The following LRBA variants were observed in gnomAD, a reference collection of about 807,000 sequenced individuals.
LRBA encodes LPS responsive beige-like anchor protein.
Under a neutral mutation model 330.0 loss-of-function variants are expected in LRBA, and 176 were observed. That is an observed-to-expected ratio of 0.53 (90% CI 0.47 to 0.60). The LOEUF is 0.60. Ranked by LOEUF, LRBA falls within the 20% of genes least tolerant of loss-of-function variation. LRBA has a pLI of 0.00. For synonymous variants in LRBA, 1,230 were observed against 1,193.0 expected (o/e 1.03, Z -0.64); for missense variants, 3,259 against 3,444.8 (o/e 0.95, Z 1.35).
intron 37 of LRBA, 142 bp downstream of exon 37, chr4:150,683,409 G>A: frequency 1.5e-6 from 1 of 675,270 alleles, no homozygotes; most frequent in Non-Finnish European, 2.6e-6. Flanking sequence ...CCTTCCCTTT[G>A]GCTTTAAATT....
At chr4:150,885,672 C>T (rs1728873822) in intron 17 of LRBA, among the ~76,000 whole-genome samples, 1 of 151,684 alleles carries the variant, frequency 6.6e-6, no homozygotes, top group African/African-American at 2.4e-5. Context: ...TTGCTGAAAT[C>T]CAAAGACAAT....
intron 28 of LRBA, among the ~76,000 whole-genome samples, chr4:150,838,608 C>G (rs1748547642): frequency 6.6e-6 from 1 of 152,194 alleles, no homozygotes; most frequent in Non-Finnish European, 1.5e-5. Context: ...GTGCATTTGT[C>G]ACGTAGTACT....
intron 40 of LRBA, among the ~76,000 whole-genome samples, chr4:150,494,651 C>T (rs538994233): frequency 6.6e-6 from 1 of 152,252 alleles, no homozygotes; most frequent in Admixed American, 6.5e-5. Flanking sequence ...CTACTTGAAA[C>T]ACTGCAAGTG....
In LRBA at chr4:150,720,962, TAAGTCAAGC is replaced by T. The variant is rs547676324; in HGVS notation, c.5754+14287_5754+14295del. On this transcript the variant is annotated intron_variant, in intron 36 of 56. Coordinates refer to ENST00000651943, the MANE Select transcript of LRBA (RefSeq NM_001364905.1). ...GAATTTAAGTGTTACCCAACAATAT[TAAGTCAAGC>T]AAGGCAGTCATGGCACAGAAAGAGG... 1.8e-3 allele frequency: 829 copies of T among 466,428 alleles called. 4 individuals carry two copies. The highest frequency in any genetic ancestry group is 0.016 in the African/African-American group (782 of 50,332). 28.9% of individuals were successfully genotyped at this position (466,428 alleles called of 1,614,324 possible). A position where few individuals can be genotyped will look rare whatever the true frequency, so the allele number is the denominator to read the frequency against.
intron 18 of LRBA, 81 bp downstream of exon 18, chr4:150,872,582 T>C (rs1753564585): frequency 1.1e-5 from 10 of 890,920 alleles, no homozygotes; most frequent in Admixed American, 2.2e-5. Flanking sequence ...TAGAGGACTA[T>C]AGAACAAAAT....
At chr4:150,793,828 A>C (rs1471422785) in intron 34 of LRBA, among the ~76,000 whole-genome samples, 1 of 152,192 alleles carries the variant, frequency 6.6e-6, no homozygotes, top group Non-Finnish European at 1.5e-5. Context: ...TTTTTCCATA[A>C]ATATTCACTA....
At chr4:150,288,416 T>C (rs548323940) in intron 53 of LRBA, among the ~76,000 whole-genome samples, 28 of 152,216 alleles carry the variant, frequency 1.8e-4, no homozygotes, top group African/African-American at 5.3e-4. Flanking sequence ...GAGACCAGCC[T>C]GGCCAACATG....
intron 37 of LRBA, among the ~76,000 whole-genome samples, chr4:150,645,229 A>T (rs1197913269): frequency 6.7e-6 from 1 of 150,058 alleles, no homozygotes; most frequent in African/African-American, 2.4e-5. Flanking sequence ...AGAAAAAAAT[A>T]ACTACTATTA....
At chr4:150,450,180 A>C (rs1753170399) in intron 44 of LRBA, among the ~76,000 whole-genome samples, 1 of 152,230 alleles carries the variant, frequency 6.6e-6, no homozygotes, top group African/African-American at 2.4e-5. Flanking sequence ...AAATATTACT[A>C]AGTATAAAGA....
At chr4:150,710,453 GACAAAAATCAGA>G (rs1786071667) in intron 36 of LRBA, among the ~76,000 whole-genome samples, 1 of 151,684 alleles carries the variant, frequency 6.6e-6, no homozygotes, top group East Asian at 1.9e-4. Flanking sequence ...AAGTCACAAA[GACAAAAATCAGA>G]AAGTTTTAGA....
intron 34 of LRBA, among the ~76,000 whole-genome samples, chr4:150,778,581 G>A (rs1386091711): frequency 6.6e-6 from 1 of 152,072 alleles, no homozygotes; most frequent in Non-Finnish European, 1.5e-5. Flanking sequence ...GATCCTTCCA[G>A]TGACTTCCAA....
chr4:150,810,680 C>A (rs1047888307), intron 31 of LRBA, among the ~76,000 whole-genome samples: 1 of 152,172 alleles, frequency 6.6e-6, no homozygotes, highest in Non-Finnish European at 1.5e-5. Context: ...GAGCTCACTG[C>A]AGCCTTGAAC....
chr4:150,366,286 C>T (rs1236175137), intron 47 of LRBA, among the ~76,000 whole-genome samples: 1 of 151,990 alleles, frequency 6.6e-6, no homozygotes, highest in Admixed American at 6.6e-5. Flanking sequence ...ATTAGGAGAA[C>T]TGAATAAAGG....
At chr4:150,741,285 C>A (rs1731934424) in intron 35 of LRBA, among the ~76,000 whole-genome samples, 1 of 152,038 alleles carries the variant, frequency 6.6e-6, no homozygotes, top group Non-Finnish European at 1.5e-5. Flanking sequence ...GAACTGCTAT[C>A]TTAAATATAT....
At chr4:150,940,356 C>G (rs116325660) in intron 2 of LRBA, among the ~76,000 whole-genome samples, 3,372 of 152,296 alleles carry the variant, frequency 0.022, 108 homozygotes, top group African/African-American at 0.077. Flanking sequence ...GAGCTATGAT[C>G]ATGCCACAGC....
intron 44 of LRBA, among the ~76,000 whole-genome samples, chr4:150,448,587 A>G (rs949473756): frequency 6.6e-6 from 1 of 152,032 alleles, no homozygotes; most frequent in African/African-American, 2.4e-5. Flanking sequence ...GGATCACTGG[A>G]GGTTAGGAGT....
intron 33 of LRBA, among the ~76,000 whole-genome samples, chr4:150,800,313 C>T (rs1396399029): frequency 2.0e-5 from 3 of 152,100 alleles, no homozygotes; most frequent in Non-Finnish European, 2.9e-5. Flanking sequence ...ATGTTCAATT[C>T]GAATGAGTAA....
At chr4:150,848,190 T>G (rs995099500) in intron 26 of LRBA, among the ~76,000 whole-genome samples, 2 of 152,090 alleles carry the variant, frequency 1.3e-5, no homozygotes, top group African/African-American at 4.8e-5. Flanking sequence ...AATTTTTGTA[T>G]TTTTAGTAAA....
chr4:150,811,359 C>T (rs560376855), intron 31 of LRBA, among the ~76,000 whole-genome samples: 1 of 151,656 alleles, frequency 6.6e-6, no homozygotes, highest in African/African-American at 2.4e-5. Context: ...ACATAAGGAC[C>T]CATTTACTTA....
Sources: allele counts gnomAD v4.1 joint callset (sites outside exome capture counted in the v4.1 genomes callset), GRCh38; gene constraint gnomAD v4.1.1; transcripts MANE v1.5; gene names NCBI Gene and HGNC (gene_info 2026-07-23, HGNC 2026-07-21).